IQCM: variants seen among roughly 807,000 people sequenced by gnomAD.
IQCM encodes the protein IQ domain-containing protein M.
A neutral mutation model predicts 57.6 loss-of-function variants in IQCM; 45 were observed. That is an observed-to-expected ratio of 0.78 (90% CI 0.62 to 1.00). IQCM has a LOEUF of 1.00. Ranked by LOEUF, IQCM falls within the 50% of genes least tolerant of loss-of-function variation. IQCM has a pLI of 0.00. For missense variants in IQCM, 468 were observed against 511.6 expected (o/e 0.91, Z 0.82); for synonymous variants, 148 against 158.9 (o/e 0.93, Z 0.51).
intron 7 of IQCM, among the ~76,000 whole-genome samples, chr4:149,661,885 A>G (rs1407191685): frequency 6.6e-6 from 1 of 151,940 alleles, no homozygotes. Context: ...TATGTTTCTT[A>G]AAAAAGTTCT....
chr4:149,442,754 T>G (rs903900322), intron 12 of IQCM, among the ~76,000 whole-genome samples: 1 of 152,028 alleles, frequency 6.6e-6, no homozygotes, highest in African/African-American at 2.4e-5. Context: ...ATGAGCAGAA[T>G]CTTTGACATC....
At chr4:149,669,755 T>C (rs990557323) in intron 7 of IQCM, among the ~76,000 whole-genome samples, 8 of 152,176 alleles carry the variant, frequency 5.3e-5, no homozygotes, top group African/African-American at 1.7e-4. Flanking sequence ...ATTGCTTGTT[T>C]TTGTCAGGTT....
intron 12 of IQCM, among the ~76,000 whole-genome samples, chr4:149,460,040 A>G (rs1042039699): frequency 2.6e-5 from 4 of 152,130 alleles, no homozygotes; most frequent in Non-Finnish European, 5.9e-5. Flanking sequence ...CACCAACGGT[A>G]CACAAGGGTT....
At chr4:149,533,466 A>G (rs1386676794) in intron 12 of IQCM, among the ~76,000 whole-genome samples, 2 of 152,126 alleles carry the variant, frequency 1.3e-5, no homozygotes, top group African/African-American at 2.4e-5. Flanking sequence ...AATACAAAAG[A>G]AAACTTAAGT....
intron 8 of IQCM, among the ~76,000 whole-genome samples, chr4:149,600,385 AG>A (rs1754167905): frequency 6.6e-6 from 1 of 152,188 alleles, no homozygotes; most frequent in African/African-American, 2.4e-5. Flanking sequence ...CATAAGTAAG[AG>A]ATGGATAGGA....
chr4:149,679,946 G>T (rs1463305585), intron 7 of IQCM, among the ~76,000 whole-genome samples: 1 of 151,202 alleles, frequency 6.6e-6, no homozygotes, highest in Non-Finnish European at 1.5e-5. Flanking sequence ...CACAAAGTGT[G>T]GACCACTCTT....
chr4:149,363,064 C>A (rs1293527694), intron 13 of IQCM, among the ~76,000 whole-genome samples: 7 of 152,128 alleles, frequency 4.6e-5, no homozygotes, highest in African/African-American at 1.7e-4. Flanking sequence ...AGGAAGTCCC[C>A]AGTGAGAAAA....
At chr4:149,441,476 G>A (rs1037739599) in intron 12 of IQCM, among the ~76,000 whole-genome samples, 1 of 152,154 alleles carries the variant, frequency 6.6e-6, no homozygotes, top group African/African-American at 2.4e-5. Context: ...ACAGTTCTAA[G>A]TCTGAGAATA....
At chr4:149,359,061 T>C (rs1335725045) in intron 13 of IQCM, among the ~76,000 whole-genome samples, 1 of 151,974 alleles carries the variant, frequency 6.6e-6, no homozygotes. Flanking sequence ...ATAAGCTGGG[T>C]AGAGAGATCA....
intron 9 of IQCM, among the ~76,000 whole-genome samples, chr4:149,574,692 A>T (rs1007894325): frequency 3.3e-5 from 5 of 152,100 alleles, no homozygotes; most frequent in Middle Eastern, 3.4e-3. Flanking sequence ...TAATGCTTAT[A>T]TGATAATATA....
At chr4:149,619,064 G>A (rs200853271) in intron 8 of IQCM, among the ~76,000 whole-genome samples, 3 of 146,100 alleles carry the variant, frequency 2.1e-5, no homozygotes, top group South Asian at 2.1e-4. Context: ...CAGAATAAAC[G>A]TAAATGTCCA....
intron 13 of IQCM, among the ~76,000 whole-genome samples, chr4:149,379,616 C>A (rs2111025251): frequency 6.6e-6 from 1 of 152,296 alleles, no homozygotes; most frequent in Non-Finnish European, 1.5e-5. Context: ...AATGCCTCTA[C>A]CCCCATTTTA....
rs3085133 is a variant in IQCM at position 149,757,741 on chromosome 4, A to ATGTGTGTG, written c.-48-15010_-48-15003dup. On this transcript the variant is annotated intron_variant, in intron 2 of 13. Transcript: ENST00000636793. Reference sequence around the variant, plus strand: ...ATTAGATATATTCCTGATATTATATATGTGTGTGTGTGTGTGTGTGTGTGT... The same window carrying ATGTGTGTG: ...ATTAGATATATTCCTGATATTATATATGTGTGTGTGTGTGTGTGTGTGTGTGTGTGTGT... Among the ~76,000 whole-genome samples the ATGTGTGTG allele has an allele frequency of 5.4e-3, 817 of 150,398 alleles. 5 individuals carry two copies. The highest frequency in any genetic ancestry group is 0.019 in the African/African-American group (778 of 40,938).
chr4:149,468,730 G>A (rs1407079708), intron 12 of IQCM, among the ~76,000 whole-genome samples: 1 of 152,166 alleles, frequency 6.6e-6, no homozygotes, highest in Non-Finnish European at 1.5e-5. Context: ...CTCCCAGTAG[G>A]GGCCAACTGA....
At chr4:149,549,359 C>CA (rs561288431) in intron 11 of IQCM, among the ~76,000 whole-genome samples, 6,906 of 150,348 alleles carry the variant, frequency 0.046, 358 homozygotes, top group African/African-American at 0.13. Context: ...ACTAAAAATA[C>CA]AAAAAAAAAT....
At chr4:149,631,090 T>C (rs1757224670) in intron 7 of IQCM, among the ~76,000 whole-genome samples, 1 of 152,224 alleles carries the variant, frequency 6.6e-6, no homozygotes, top group African/African-American at 2.4e-5. Flanking sequence ...AGAGTATGCC[T>C]ATGTGACTAG....
At chr4:149,681,345 G>A (rs1380139903) in intron 7 of IQCM, among the ~76,000 whole-genome samples, 2 of 151,176 alleles carry the variant, frequency 1.3e-5, no homozygotes, top group Admixed American at 1.3e-4. Flanking sequence ...AATCAAAATT[G>A]TAAAATACAT....
At chr4:149,670,940 C>CTTTTTTTTTTTTTTTTTTTTTTTTT (rs57287015) in intron 7 of IQCM, among the ~76,000 whole-genome samples, 1 of 143,374 alleles carries the variant, frequency 7.0e-6, no homozygotes. Context: ...AAAATTCTCT[C>CTTTTTTTTTTTTTTTTTTTTTTTTT]TTTTTTTTTT....
intron 13 of IQCM, among the ~76,000 whole-genome samples, chr4:149,363,430 T>C (rs1729627987): frequency 1.3e-5 from 2 of 152,190 alleles, no homozygotes; most frequent in African/African-American, 4.8e-5. Context: ...GGAGAATTTG[T>C]AGAATTTATT....
Sources: allele counts gnomAD v4.1 joint callset (sites outside exome capture counted in the v4.1 genomes callset), GRCh38; gene constraint gnomAD v4.1.1; transcripts MANE v1.5; gene names NCBI Gene and HGNC (gene_info 2026-07-23, HGNC 2026-07-21).